Variants in DCDC2 observed in about 807,000 individuals in gnomAD.
DCDC2 encodes doublecortin domain containing 2.
DCDC2 carries 40 observed loss-of-function variants against 50.2 expected under a neutral mutation model. The ratio of observed to expected loss-of-function variants is 0.80; its 90% confidence interval spans 0.62 to 1.04. DCDC2 has a LOEUF of 1.04. Among genes scored for constraint, DCDC2 ranks in the 50% least tolerant of loss-of-function variants. The pLI is 0.00. For synonymous variants in DCDC2, 234 were observed against 210.6 expected (o/e 1.11, Z -0.96); for missense variants, 570 against 581.9 (o/e 0.98, Z 0.21).
At chr6:24,254,693 T>C (rs1762857996) in intron 7 of DCDC2, among the ~76,000 whole-genome samples, 1 of 152,112 alleles carries the variant, frequency 6.6e-6, no homozygotes, top group African/African-American at 2.4e-5. Context: ...GACCTGAAAT[T>C]AAAACCATCA....
chr6:24,362,522 T>A (rs185657281), upstream of DCDC2, among the ~76,000 whole-genome samples: 1 of 107,910 alleles, frequency 9.3e-6, no homozygotes, highest in East Asian at 2.2e-4. Flanking sequence ...TTTATTTAAT[T>A]GTATATTTAT....
chr6:24,335,292 G>T (rs1012715177), intron 2 of DCDC2, among the ~76,000 whole-genome samples: 2 of 152,286 alleles, frequency 1.3e-5, no homozygotes, highest in East Asian at 3.9e-4. Flanking sequence ...AGTGAGATAG[G>T]ATGCGATAAC....
At chr6:24,178,045 G>A (rs189300946) in intron 9 of DCDC2, among the ~76,000 whole-genome samples, 6 of 152,208 alleles carry the variant, frequency 3.9e-5, no homozygotes, top group Non-Finnish European at 8.8e-5. Context: ...AGAAGGCTCT[G>A]TACATTTTCT....
intron 8 of DCDC2, among the ~76,000 whole-genome samples, chr6:24,204,771 G>A (rs976926277): frequency 1.1e-4 from 17 of 151,960 alleles, no homozygotes; most frequent in Non-Finnish European, 2.4e-4. Flanking sequence ...TCTTTATTAA[G>A]GAAATACCAT....
chr6:24,309,790 C>T (rs1386673601), intron 2 of DCDC2, among the ~76,000 whole-genome samples: 1 of 152,006 alleles, frequency 6.6e-6, no homozygotes, highest in Non-Finnish European at 1.5e-5. Context: ...GAAAAAGGAA[C>T]AAGATCTCAC....
chr6:24,226,653 C>T (rs1388495812), intron 7 of DCDC2, among the ~76,000 whole-genome samples: 1 of 152,204 alleles, frequency 6.6e-6, no homozygotes, highest in African/African-American at 2.4e-5. Flanking sequence ...CAGACAACCC[C>T]TTAAGCAGGA....
At chr6:24,281,132 T>G (rs1170801889) in intron 6 of DCDC2, among the ~76,000 whole-genome samples, 1 of 152,134 alleles carries the variant, frequency 6.6e-6, no homozygotes, top group Non-Finnish European at 1.5e-5. Flanking sequence ...ATCAAATTTC[T>G]GATAAAGACA....
chr6:24,209,119 C>T (rs995842605), intron 7 of DCDC2, among the ~76,000 whole-genome samples: 1 of 152,096 alleles, frequency 6.6e-6, no homozygotes, highest in Admixed American at 6.5e-5. Flanking sequence ...TCGATGCCAT[C>T]GTAAAAAGCA....
chr6:24,180,664 G>A lies in DCDC2; in HGVS notation c.1024-2032C>T, dbSNP rs922347132. Among the ~76,000 whole-genome samples the A allele has an allele frequency of 2.6e-5, 4 of 152,086 alleles. No individual in the cohort carries two copies. In the East Asian group the frequency reaches 5.8e-4, roughly 22 times the overall value. ...CATTATTGCCTCTTTCTAGCTACCT[G>A]ACATTGGACAGGTCACTTAATTCTC... On this transcript the variant is annotated intron_variant, in intron 8 of 9. Transcript: ENST00000378454.
intron 7 of DCDC2, among the ~76,000 whole-genome samples, chr6:24,260,252 G>C (rs985523780): frequency 1.3e-5 from 2 of 152,146 alleles, no homozygotes; most frequent in African/African-American, 4.8e-5. Context: ...AGGAAAGCAT[G>C]AATTATTAAT....
At chr6:24,347,804 T>C (rs190679466) in intron 2 of DCDC2, among the ~76,000 whole-genome samples, 2 of 152,230 alleles carry the variant, frequency 1.3e-5, no homozygotes, top group East Asian at 1.9e-4. Flanking sequence ...TATAACTAAT[T>C]TTACCCCTGA....
At chr6:24,355,190 T>C (rs1760443445) in intron 1 of DCDC2, among the ~76,000 whole-genome samples, 1 of 152,332 alleles carries the variant, frequency 6.6e-6, no homozygotes. Flanking sequence ...ATTCAGTTTT[T>C]TGTGTATGAA....
chr6:24,239,260 C>T (rs1762518068), intron 7 of DCDC2, among the ~76,000 whole-genome samples: 1 of 152,094 alleles, frequency 6.6e-6, no homozygotes, highest in Non-Finnish European at 1.5e-5. Flanking sequence ...CCAGGAGTGG[C>T]ATTCCCTTTG....
rs566588961 is a variant in DCDC2 at position 24,224,141 on chromosome 6, G to C, written c.923-19039C>G. Reference sequence around the variant, plus strand: ...AGGTGGTGTAAAACTGGCATCACCAGAGTTCACCGGGAATGGGCTCTCTAT... The same window carrying C: ...AGGTGGTGTAAAACTGGCATCACCACAGTTCACCGGGAATGGGCTCTCTAT... On this transcript the variant is annotated intron_variant, in intron 7 of 9. Transcript: ENST00000378454. Among the ~76,000 whole-genome samples, 3 of 152,272 alleles carry C rather than the reference G, an allele frequency of 2.0e-5. No individual in the cohort carries two copies. The South Asian group carries it at 6.2e-4, about 32-fold the overall frequency.
intron 2 of DCDC2, among the ~76,000 whole-genome samples, chr6:24,303,046 G>T (rs807695): frequency 2.0e-5 from 3 of 151,952 alleles, no homozygotes; most frequent in Admixed American, 1.3e-4. Flanking sequence ...TATGCCTTTA[G>T]GAAGCTAACC....
upstream of DCDC2, among the ~76,000 whole-genome samples, chr6:24,360,237 G>A (rs991790262): frequency 6.6e-6 from 1 of 152,228 alleles, no homozygotes; most frequent in Admixed American, 6.5e-5. Context: ...TGCTGGCTGC[G>A]TGGGGCAGAG....
chr6:24,210,448 T>C lies in DCDC2; in HGVS notation c.923-5346A>G, dbSNP rs73391991. On this transcript the variant is annotated intron_variant, in intron 7 of 9. Transcript: ENST00000378454. ...CCCCCAGATTCCCCAACCCAGGAAA[T>C]GGCACCACTTCTCAATCCCAAAATC... Among the ~76,000 whole-genome samples, 654 of 152,290 alleles carry C rather than the reference T, an allele frequency of 4.3e-3. 5 individuals are homozygous for C. Among genetic ancestry groups the C allele is most frequent in the African/African-American group, 0.014 (601 of 41,562 alleles).
At chr6:24,381,861 G>GGAAGGAA in the DCDC2 span, among the ~76,000 whole-genome samples, 2 of 22,602 alleles carry the variant, frequency 8.8e-5, no homozygotes, top group Non-Finnish European at 1.2e-4. Flanking sequence ...GAAGGAAGGA[G>GGAAGGAA]AAATAAAAGA....
In DCDC2 at chr6:24,269,892, A is replaced by G. The variant is rs117831339; in HGVS notation, c.922+8157T>C. Among the ~76,000 whole-genome samples, 581 of 152,266 alleles carry G rather than the reference A, an allele frequency of 3.8e-3. 14 individuals are homozygous for G. Among genetic ancestry groups the G allele is most frequent in the Admixed American group, 0.027 (413 of 15,300 alleles). ...AGACCCATTATTACATCAGACTGCT[A>G]AAGAGAAAAACGGCTTGTTAGTAAT... On this transcript the variant is annotated intron_variant, in intron 7 of 9. Coordinates refer to ENST00000378454, the MANE Select transcript of DCDC2 (RefSeq NM_016356.5).
Sources: allele counts gnomAD v4.1 joint callset (sites outside exome capture counted in the v4.1 genomes callset), GRCh38; gene constraint gnomAD v4.1.1; transcripts MANE v1.5; gene names NCBI Gene and HGNC (gene_info 2026-07-23, HGNC 2026-07-21).